Variants in ADGRV1 observed in about 807,000 individuals in gnomAD.
The protein encoded by ADGRV1 is adhesion G protein-coupled receptor V1, also known as G-protein coupled receptor 98.
Under a neutral mutation model 596.2 loss-of-function variants are expected in ADGRV1, and 359 were observed. The observed-to-expected ratio is 0.60, with a 90% CI of 0.55 to 0.66. The LOEUF is 0.66. Among genes scored for constraint, ADGRV1 ranks in the 30% least tolerant of loss-of-function variants. The probability of loss-of-function intolerance (pLI) is 0.00; values close to 1 mark genes in which losing one functional copy is unlikely to be tolerated. For missense variants in ADGRV1, 7,274 were observed against 7,575.6 expected (o/e 0.96, Z 1.48); for synonymous variants, 2,681 against 2,679.2 (o/e 1.00, Z -0.02).
At chr5:90,559,072 G>T (rs998120425) in intron 1 of ADGRV1, among the ~76,000 whole-genome samples, 155 bp downstream of exon 1, 1 of 152,048 alleles carries the variant, frequency 6.6e-6, no homozygotes, top group Admixed American at 6.5e-5. Context: ...CCGGCGCCGC[G>T]GCCTGCGGGT....
intron 34 of ADGRV1, among the ~76,000 whole-genome samples, chr5:90,698,603 G>A (rs1747504856): frequency 6.6e-6 from 1 of 152,146 alleles, no homozygotes; most frequent in African/African-American, 2.4e-5. Context: ...CAGTGCCTGT[G>A]TGAGGGAAGG....
rs779989488 is a variant in ADGRV1 at position 90,711,171 on chromosome 5, T to C, written c.8904-13T>C. On this transcript the variant is annotated splice_polypyrimidine_tract_variant and intron_variant, in intron 40 of 89. Coordinates refer to ENST00000405460, the MANE Select transcript of ADGRV1 (RefSeq NM_032119.4). ...TTTTTTTTGTTTGTTTTTGTTTTTT[T>C]GCTATATTATAGGTTTGAAGTAAAT... 1.4e-5 allele frequency: 22 copies of C among 1,590,454 alleles called. No homozygotes were observed. Among genetic ancestry groups the C allele is most frequent in the Non-Finnish European group, 1.9e-5 (22 of 1,172,088 alleles).
chr5:90,650,350 CA>C (rs1486594327), intron 17 of ADGRV1, among the ~76,000 whole-genome samples: 8 of 152,164 alleles, frequency 5.3e-5, no homozygotes, highest in African/African-American at 1.9e-4. Flanking sequence ...AGAACCCTGC[CA>C]AAATTAGGTT....
In ADGRV1 at chr5:90,935,244, G is replaced by C. The variant is rs190446237; in HGVS notation, c.17857-30171G>C. 1.8e-4 allele frequency among the ~76,000 whole-genome samples: 27 copies of C among 152,322 alleles called. No individual in the cohort carries two copies. In the East Asian group the frequency reaches 4.8e-3, roughly 27 times the overall value. On this transcript the variant is annotated intron_variant, in intron 83 of 89. Transcript: ENST00000405460. Reference sequence around the variant, plus strand: ...TTCAAGGCTCTCCAATGAGAAATTAGATTGTTCAGCTCTAATGTTTGTCAA... The same window carrying C: ...TTCAAGGCTCTCCAATGAGAAATTACATTGTTCAGCTCTAATGTTTGTCAA...
At chr5:90,941,276 T>A (rs1273684560) in intron 83 of ADGRV1, among the ~76,000 whole-genome samples, 1 of 152,222 alleles carries the variant, frequency 6.6e-6, no homozygotes, top group Non-Finnish European at 1.5e-5. Flanking sequence ...ATATCTTTTA[T>A]AACACCTGGT....
Position 90,676,134 on chromosome 5 carries a change from A to C in ADGRV1, c.5368A>C (p.Ile1790Leu), listed in dbSNP as rs1231629375. 6.2e-7 allele frequency: 1 copy of C among 1,605,662 alleles called. No homozygotes were observed. Among genetic ancestry groups the C allele is most frequent in the South Asian group, 1.1e-5 (1 of 89,912 alleles). The change falls in exon 25 of 90, where the codon ATA becomes CTA. Residue 1790 changes from isoleucine to leucine, a missense_variant. By Grantham distance (5) the Ile-to-Leu change is conservative. Around this residue, in one of 5 missense-constraint regions of ADGRV1, gnomAD observed 3,643 missense variants for 3,809.2 expected, o/e 0.96. Coordinates refer to ENST00000405460, the MANE Select transcript of ADGRV1 (RefSeq NM_032119.4). ...AGGAGAAAGATATAAATACATTTTC[A>C]TAAACATCACTGATAATTCTATTCC... ...QPGERYKYIF[I>L]NITDNSIPEL...
At chr5:90,681,193 A>G in intron 26 of ADGRV1, 122 bp from the exon 27 acceptor site, 1 of 1,040,258 alleles carries the variant, frequency 9.6e-7, no homozygotes, top group East Asian at 2.6e-5. Flanking sequence ...TCTAAAACAA[A>G]TTAGAATGTA....
chr5:91,071,431 C>G (rs574209164), intron 85 of ADGRV1, among the ~76,000 whole-genome samples: 14 of 152,202 alleles, frequency 9.2e-5, no homozygotes, highest in African/African-American at 3.1e-4. Flanking sequence ...CTGGGCATGA[C>G]TAGATCAGTG....
Position 90,628,832 on chromosome 5 carries a change from G to A in ADGRV1, c.1509G>A (p.Glu503=). ...RGGAEVSEPA[E]LLFYIQDSDD... Reference sequence around the variant, plus strand: ...GTGCAGAAGTGAGCGAGCCAGCGGAGGTATAACCCTTGTTATGCTTTATGC... The same window carrying A: ...GTGCAGAAGTGAGCGAGCCAGCGGAAGTATAACCCTTGTTATGCTTTATGC... Residue 503 remains glutamate (E), a splice_region_variant and synonymous_variant, in exon 8 of 90, where the codon GAG becomes GAA. Transcript: ENST00000405460. 1 of 1,613,288 alleles carries A rather than the reference G, an allele frequency of 6.2e-7. No homozygotes were observed. The highest frequency in any genetic ancestry group is 1.1e-5 in the South Asian group (1 of 90,998).
chr5:90,804,302 T>G (rs1761691461), intron 71 of ADGRV1, among the ~76,000 whole-genome samples: 1 of 151,778 alleles, frequency 6.6e-6, no homozygotes, highest in African/African-American at 2.4e-5. Flanking sequence ...TTGGGGAAGG[T>G]GAGGCATGAG....
chr5:91,141,186 T>A (rs538364865), intron 87 of ADGRV1, among the ~76,000 whole-genome samples: 11 of 152,352 alleles, frequency 7.2e-5, no homozygotes, highest in Admixed American at 6.5e-4. Context: ...AGAATAGACA[T>A]CTGTCCAAAC....
At chr5:91,021,446 G>T (rs1192974026) in intron 85 of ADGRV1, among the ~76,000 whole-genome samples, 1 of 152,098 alleles carries the variant, frequency 6.6e-6, no homozygotes, top group Non-Finnish European at 1.5e-5. Context: ...AGATCAAATG[G>T]TTTAATGAGC....
At chr5:90,669,919 A>T (rs1366268642) in intron 21 of ADGRV1, among the ~76,000 whole-genome samples, 1 of 152,144 alleles carries the variant, frequency 6.6e-6, no homozygotes, top group Non-Finnish European at 1.5e-5. Context: ...TAGCAGAATT[A>T]AATGTACTTG....
chr5:90,679,539 C>T lies in ADGRV1; in HGVS notation c.5444-10C>T, dbSNP rs1191207064. The T allele has an allele frequency of 6.2e-7, 1 of 1,607,038 alleles. No homozygotes were observed. The highest frequency in any genetic ancestry group is 1.1e-5 in the South Asian group (1 of 90,674). On this transcript the variant is annotated splice_polypyrimidine_tract_variant and intron_variant, in intron 25 of 89. Transcript: ENST00000405460. Reference sequence around the variant, plus strand: ...TTGTGTGGGTTGTGTCTCTGTGTCTCCTTGTGAAGTAGCTGAACTCTTTAG... The same window carrying T: ...TTGTGTGGGTTGTGTCTCTGTGTCTTCTTGTGAAGTAGCTGAACTCTTTAG...
At chr5:90,593,802 G>T (rs1759865943) in intron 1 of ADGRV1, among the ~76,000 whole-genome samples, 1 of 150,982 alleles carries the variant, frequency 6.6e-6, no homozygotes, top group Non-Finnish European at 1.5e-5. Context: ...CTTGGTAGGA[G>T]TTTTTTTTTG....
intron 60 of ADGRV1, among the ~76,000 whole-genome samples, chr5:90,774,646 G>A (rs993694558): frequency 6.6e-6 from 1 of 152,050 alleles, no homozygotes; most frequent in Admixed American, 6.6e-5. Flanking sequence ...CAGAATACTA[G>A]GCAGCCATTC....
intron 78 of ADGRV1, among the ~76,000 whole-genome samples, 187 bp downstream of exon 78, chr5:90,841,172 C>A (rs1261558345): frequency 6.6e-6 from 1 of 152,022 alleles, no homozygotes; most frequent in Non-Finnish European, 1.5e-5. Flanking sequence ...ATGACTGATG[C>A]CTCTTTGGAA....
chr5:90,706,457 CT>C, intron 38 of ADGRV1, 63 bp downstream of exon 38: 1 of 1,381,548 alleles, frequency 7.2e-7, no homozygotes, highest in Non-Finnish European at 9.7e-7. Context: ...TTTTATTATA[CT>C]TTAAGTTTTA....
At chr5:91,054,614 C>T (rs767032327) in intron 85 of ADGRV1, among the ~76,000 whole-genome samples, 1 of 152,126 alleles carries the variant, frequency 6.6e-6, no homozygotes, top group Middle Eastern at 3.2e-3. Flanking sequence ...GGTTTATAGA[C>T]AGCCATCTTT....
Sources: allele counts gnomAD v4.1 joint callset (sites outside exome capture counted in the v4.1 genomes callset), GRCh38; gene constraint gnomAD v4.1.1; regional missense constraint gnomAD v4.1.1; transcripts MANE v1.5; gene names NCBI Gene and HGNC (gene_info 2026-07-23, HGNC 2026-07-21).